Variants in CREB5 observed in about 807,000 individuals in gnomAD.
The protein encoded by CREB5 is cyclic AMP-responsive element-binding protein 5.
Under a neutral mutation model 57.1 loss-of-function variants are expected in CREB5, and 19 were observed. The ratio of observed to expected loss-of-function variants is 0.33; its 90% CI spans 0.23 to 0.49. CREB5 has a LOEUF of 0.49. Ranked by LOEUF, CREB5 falls within the 20% of genes least tolerant of loss-of-function variation. The probability of loss-of-function intolerance (pLI) is 0.99; values close to 1 mark genes in which losing one functional copy is unlikely to be tolerated. For missense variants in CREB5, 579 were observed against 671.6 expected (o/e 0.86, Z 1.52); for synonymous variants, 238 against 238.3 (o/e 1.00, Z 0.01).
At chr7:28,687,145 T>C (rs1800980040) in intron 5 of CREB5, among the ~76,000 whole-genome samples, 1 of 152,216 alleles carries the variant, frequency 6.6e-6, no homozygotes, top group African/African-American at 2.4e-5. Context: ...GTTATAGCCT[T>C]TCCCCTATTA....
chr7:28,385,682 A>T (rs1583412515), intron 1 of CREB5, among the ~76,000 whole-genome samples: 1 of 152,124 alleles, frequency 6.6e-6, no homozygotes, highest in African/African-American at 2.4e-5. Context: ...GTCTCAAAAA[A>T]AAAAAAGTAT....
chr7:28,496,603 A>G (rs765225768), intron 3 of CREB5, among the ~76,000 whole-genome samples: 2 of 152,082 alleles, frequency 1.3e-5, no homozygotes, highest in Non-Finnish European at 2.9e-5. Context: ...GCACACGGCT[A>G]CTGCATCATC....
At chr7:28,315,944 A>T (rs1206151928) in intron 1 of CREB5, among the ~76,000 whole-genome samples, 1 of 152,138 alleles carries the variant, frequency 6.6e-6, no homozygotes, top group Non-Finnish European at 1.5e-5. Flanking sequence ...ATTTTCAAGG[A>T]GACAGGTCCT....
intron 1 of CREB5, among the ~76,000 whole-genome samples, chr7:28,302,456 A>C (rs112700422): frequency 2.6e-5 from 4 of 152,246 alleles, no homozygotes; most frequent in Non-Finnish European, 5.9e-5. Flanking sequence ...ATCAAACTAC[A>C]TGGAACATAA....
At chr7:28,701,854 T>C (rs1419628091) in intron 5 of CREB5, among the ~76,000 whole-genome samples, 2 of 152,218 alleles carry the variant, frequency 1.3e-5, no homozygotes, top group Non-Finnish European at 2.9e-5. Context: ...TAAAGTATGT[T>C]TCAAATAATA....
intron 1 of CREB5, among the ~76,000 whole-genome samples, chr7:28,377,224 C>T (rs958966416): frequency 6.6e-6 from 1 of 152,118 alleles, no homozygotes; most frequent in Non-Finnish European, 1.5e-5. Context: ...TGGTAGCCAC[C>T]AGCCACATGT....
At chr7:28,381,141 T>G (rs1786959154) in intron 1 of CREB5, among the ~76,000 whole-genome samples, 2 of 152,206 alleles carry the variant, frequency 1.3e-5, no homozygotes, top group South Asian at 4.1e-4. Context: ...TCCTCGCTTA[T>G]TGGTCAGTCA....
chr7:28,614,814 A>G (rs1271226612), intron 5 of CREB5, among the ~76,000 whole-genome samples: 1 of 152,142 alleles, frequency 6.6e-6, no homozygotes, highest in Non-Finnish European at 1.5e-5. Flanking sequence ...TCAGCTTACA[A>G]TCACGTTTCA....
At chr7:28,736,559 A>G (rs1368975872) in intron 7 of CREB5, among the ~76,000 whole-genome samples, 1 of 152,176 alleles carries the variant, frequency 6.6e-6, no homozygotes, top group Non-Finnish European at 1.5e-5. Flanking sequence ...TTGTAGACAA[A>G]TGAACTGACG....
intron 4 of CREB5, among the ~76,000 whole-genome samples, chr7:28,529,905 T>G (rs1028872715): frequency 6.6e-6 from 1 of 152,224 alleles, no homozygotes; most frequent in East Asian, 1.9e-4. Context: ...CACCTGATAA[T>G]CACACCAGCT....
At chr7:28,350,756 G>A (rs542170391) in intron 1 of CREB5, among the ~76,000 whole-genome samples, 29 of 152,210 alleles carry the variant, frequency 1.9e-4, no homozygotes, top group African/African-American at 6.3e-4. Flanking sequence ...GAAGAGGGGA[G>A]TGTGGGGAGC....
chr7:28,392,127 T>C (rs1219934128), intron 1 of CREB5, among the ~76,000 whole-genome samples: 1 of 151,944 alleles, frequency 6.6e-6, no homozygotes, highest in Non-Finnish European at 1.5e-5. Flanking sequence ...TACCTGAGGG[T>C]GGACGGAGGG....
rs971640677 is a variant in CREB5 at position 28,818,104 on chromosome 7, C to A, written c.1288C>A (p.Gln430Lys). 15 of 1,613,488 alleles carry A rather than the reference C, an allele frequency of 9.3e-6. No individual in the cohort carries two copies. Among genetic ancestry groups the A allele is most frequent in the Admixed American group, 3.3e-5 (2 of 59,944 alleles). The change falls in exon 10 of 11, where the codon CAG becomes AAG. Residue 430 changes from glutamine (Q) to lysine (K), a missense_variant. Around this residue, in one of 3 missense-constraint regions of CREB5, gnomAD observed 114 missense variants for 130.8 expected, o/e 0.87. Coordinates refer to ENST00000357727, the MANE Select transcript of CREB5 (RefSeq NM_182898.4). Reference sequence around the variant, plus strand: ...GTCTATGTTGAAAAATGAGGTGGCCCAGCTGAAACAGTTGTTGTTAACACA... The same window carrying A: ...GTCTATGTTGAAAAATGAGGTGGCCAAGCTGAAACAGTTGTTGTTAACACA... ...EVSMLKNEVAQLKQLLLTHKD... is the reference protein window; with the variant it reads ...EVSMLKNEVAKLKQLLLTHKD...
chr7:28,591,099 T>G (rs1796497014), intron 5 of CREB5, among the ~76,000 whole-genome samples: 1 of 152,224 alleles, frequency 6.6e-6, no homozygotes, highest in Non-Finnish European at 1.5e-5. Flanking sequence ...ACATAAAATG[T>G]CTACTTTTAC....
At chr7:28,301,066 ATCTTTTTAAAGGC>A (rs538157500) in intron 1 of CREB5, among the ~76,000 whole-genome samples, 167 of 152,320 alleles carry the variant, frequency 1.1e-3, no homozygotes, top group African/African-American at 3.8e-3. Context: ...CTACATTTTG[ATCTTTTTAAAGGC>A]TCTTTTTAAA....
intron 7 of CREB5, among the ~76,000 whole-genome samples, chr7:28,770,090 C>T (rs1377259491): frequency 6.6e-6 from 1 of 152,136 alleles, no homozygotes; most frequent in African/African-American, 2.4e-5. Flanking sequence ...TTCCAACAGC[C>T]GCATTCCTGT....
At chr7:28,382,262 C>T (rs774624509) in intron 1 of CREB5, among the ~76,000 whole-genome samples, 3 of 152,140 alleles carry the variant, frequency 2.0e-5, no homozygotes, top group Admixed American at 6.5e-5. Flanking sequence ...GCAGATTTTC[C>T]CCATTCAGTC....
At chr7:28,515,202 T>A (rs1792891723) in intron 4 of CREB5, among the ~76,000 whole-genome samples, 2 of 152,206 alleles carry the variant, frequency 1.3e-5, no homozygotes, top group African/African-American at 2.4e-5. Context: ...CTAGTAATAG[T>A]TTTCTCCATT....
chr7:28,568,991 G>A (rs893760050), intron 4 of CREB5, among the ~76,000 whole-genome samples: 1 of 151,992 alleles, frequency 6.6e-6, no homozygotes, highest in Non-Finnish European at 1.5e-5. Flanking sequence ...ATTGCTAGTG[G>A]CACTCCATTT....
Sources: allele counts gnomAD v4.1 joint callset (sites outside exome capture counted in the v4.1 genomes callset), GRCh38; gene constraint gnomAD v4.1.1; regional missense constraint gnomAD v4.1.1; transcripts MANE v1.5; gene names NCBI Gene and HGNC (gene_info 2026-07-23, HGNC 2026-07-21).